SIRT6: variants seen among roughly 807,000 people sequenced by gnomAD.
SIRT6 encodes NAD-dependent protein deacylase sirtuin-6.
A neutral mutation model predicts 33.6 loss-of-function variants in SIRT6; 21 were observed. The observed-to-expected ratio is 0.62, with a 90% CI of 0.44 to 0.90. SIRT6 has a LOEUF of 0.90. Among genes scored for constraint, SIRT6 ranks in the 40% least tolerant of loss-of-function variants. SIRT6 has a pLI of 0.00. For missense variants in SIRT6, 504 were observed against 510.6 expected (o/e 0.99, Z 0.12); for synonymous variants, 221 against 223.9 (o/e 0.99, Z 0.12).
At chr19:4,181,416 T>C (rs1189719793) in intron 1 of SIRT6, among the ~76,000 whole-genome samples, 1 of 152,202 alleles carries the variant, frequency 6.6e-6, no homozygotes, top group Non-Finnish European at 1.5e-5. Flanking sequence ...TTTTAATCTG[T>C]GTTGCTCCTG....
At chr19:4,175,529 G>A in intron 6 of SIRT6, 151 bp downstream of exon 6, 1 of 709,742 alleles carries the variant, frequency 1.4e-6, no homozygotes, top group Non-Finnish European at 2.3e-6. Flanking sequence ...GTGAGTGCGT[G>A]TGTGCAGCCC....
intron 1 of SIRT6, 141 bp downstream of exon 1, chr19:4,182,333 C>T (rs1346623157): frequency 2.3e-6 from 2 of 858,130 alleles, no homozygotes; most frequent in Non-Finnish European, 3.5e-6. Context: ...GGCGTCACTT[C>T]CCGCCCCTTC....
chr19:4,182,416 G>T, intron 1 of SIRT6, 58 bp downstream of exon 1: 1 of 1,543,750 alleles, frequency 6.5e-7, no homozygotes, highest in Admixed American at 1.9e-5. Context: ...CCTGCCATCC[G>T]GCCGCTCCCA....
rs1278761493 is a variant in SIRT6, at chr19:4,174,632, C to T, written c.1053G>A (p.Lys351=). Residue 351 remains lysine (K), a synonymous_variant, in exon 8 of 8, where the codon AAG becomes AAA. Transcript: ENST00000337491. The surrounding 1 kb of genome is among the most constrained non-coding windows in gnomAD (Gnocchi z 4.2). ...PHRPPKRVKA[K]AVPS is the part of the protein sequence containing the mutation. ...AGCACCCTGGTCAGCTGGGGACCGCCTTGGCCTTCACCCTTTTGGGGGGTC... is the reference window on the plus strand; with the variant it reads ...AGCACCCTGGTCAGCTGGGGACCGCTTTGGCCTTCACCCTTTTGGGGGGTC... The T allele has an allele frequency of 6.9e-7, 1 of 1,446,252 alleles. No homozygotes were observed. Among genetic ancestry groups the T allele is most frequent in the African/African-American group, 1.4e-5 (1 of 69,528 alleles). 89.6% of individuals were successfully genotyped at this position (1,446,252 alleles called of 1,614,324 possible).
At chr19:4,175,358 C>G in intron 6 of SIRT6, 1 of 700,614 alleles carries the variant, frequency 1.4e-6, no homozygotes, top group Non-Finnish European at 2.3e-6. Flanking sequence ...CCCTTAGACA[C>G]TTCCGGGGAG....
chr19:4,175,788 T>C (rs7246235), intron 5 of SIRT6, 28 bp from the exon 6 acceptor site: 1 of 1,555,734 alleles, frequency 6.4e-7, no homozygotes, highest in Non-Finnish European at 8.7e-7. Context: ...AGGAGAGTCC[T>C]CAGGGGCCTC....
At chr19:4,179,562 CAG>C (rs138394764) in intron 2 of SIRT6, 1,888 of 489,076 alleles carry the variant, frequency 3.9e-3, no homozygotes, top group South Asian at 6.7e-3. Flanking sequence ...GAGGGAGAGG[CAG>C]AGAGAGAGAG....
intron 3 of SIRT6, among the ~76,000 whole-genome samples, 183 bp downstream of exon 3, chr19:4,178,921 A>G (rs1468460322): frequency 6.6e-6 from 1 of 152,210 alleles, no homozygotes; most frequent in Non-Finnish European, 1.5e-5. Flanking sequence ...CTCGAGGGAA[A>G]TTCTGCCTCT....
At position 4,182,535 on chromosome 19, in the gene SIRT6, G is replaced by C; in HGVS notation, c.5C>G (p.Ser2Trp). ...CGACAGCCCCGCCGCGTAATTCACC[G>C]ACATCCTCGACTGCCCCACGGGAAC... M[S>W]VNYAAGLSPY... Residue 2 changes from serine to tryptophan, a missense_variant, in exon 1 of 8, where the codon TCG becomes TGG. Transcript: ENST00000337491. The C allele has an allele frequency of 1.9e-6, 3 of 1,610,522 alleles. No individual in the cohort carries two copies. The highest frequency in any genetic ancestry group is 2.3e-5 in the East Asian group (1 of 44,340).
At position 4,175,852 on chromosome 19, in the gene SIRT6, G is replaced by T. The variant is rs149090533; in HGVS notation, c.523C>A (p.Arg175=). 6.4e-7 allele frequency: 1 copy of T among 1,559,704 alleles called. No homozygotes were observed. The highest frequency in any genetic ancestry group is 8.7e-7 in the Non-Finnish European group (1 of 1,151,986). The change falls in exon 5 of 8, where the codon CGA becomes AGA. Residue 175 remains arginine (R), a synonymous_variant. Transcript: ENST00000337491. The part of the protein sequence containing the change: ...LCTVAKARGL[R]ACRGELRDTI... ...GTGGGGGTGGCTCACCTGCAGGCTC[G>T]CAGCCCCCTTGCCTTAGCCACGGTG...
intron 2 of SIRT6, among the ~76,000 whole-genome samples, chr19:4,179,913 T>C (rs1967525436): frequency 6.6e-6 from 1 of 151,688 alleles, no homozygotes; most frequent in Non-Finnish European, 1.5e-5. Flanking sequence ...TAGGAGAAAA[T>C]GCAAGTGTTT....
chr19:4,175,387 G>A, intron 6 of SIRT6: 3 of 651,424 alleles, frequency 4.6e-6, no homozygotes, highest in South Asian at 4.0e-5. Flanking sequence ...TGTGGTAAGA[G>A]CTTGGACACC....
intron 3 of SIRT6, 31 bp downstream of exon 3, chr19:4,179,073 C>T (rs1967469105): frequency 6.2e-7 from 1 of 1,607,510 alleles, no homozygotes; most frequent in South Asian, 1.1e-5. Context: ...GGGCCCCAAG[C>T]TCTTTTGTGG....
chr19:4,177,247 C>T lies in SIRT6; in HGVS notation c.378-109G>A, dbSNP rs536019967. 57 of 917,344 alleles carry T rather than the reference C, an allele frequency of 6.2e-5. 1 individual carries two copies. The South Asian group carries it at 7.5e-4, about 12-fold the overall frequency. 56.8% of individuals were successfully genotyped at this position (917,344 alleles called of 1,614,324 possible). A position where few individuals can be genotyped will look rare whatever the true frequency, so the allele number is the denominator to read the frequency against. On this transcript the variant is annotated intron_variant, in intron 3 of 7. Coordinates refer to ENST00000337491, the MANE Select transcript of SIRT6 (RefSeq NM_016539.4). ...CTCCAGGAAGGCTTCCCGGACTCCT[C>T]TCCCACAACATTGATCAACTCCTTC...
At position 4,174,291 on chromosome 19, in the gene SIRT6, GC is replaced by G; in HGVS notation, c.*325del. 4.4e-6 allele frequency: 1 copy of G among 229,498 alleles called. No homozygotes were observed. The highest frequency in any genetic ancestry group is 8.4e-6 in the Non-Finnish European group (1 of 118,730). The allele number at this position is 229,498 out of a possible 1,614,324, so 14.2% of individuals were successfully genotyped here. ...GGGCTGTAGGGGGCCCAGAAGGGAG[GC>G]CCTGGGGACAGAGGGAGTTCACTCC... On this transcript the variant is annotated 3_prime_UTR_variant, in exon 8 of 8. Coordinates refer to ENST00000337491, the MANE Select transcript of SIRT6 (RefSeq NM_016539.4). This position sits in a 1 kb window ranked among gnomAD's most constrained non-coding sequence, Gnocchi z 4.2.
intron 1 of SIRT6, among the ~76,000 whole-genome samples, chr19:4,181,616 GC>G (rs1396823291): frequency 6.6e-6 from 1 of 152,050 alleles, no homozygotes; most frequent in Non-Finnish European, 1.5e-5. Context: ...GTGAAACCCC[GC>G]CTCTACTAAA....
rs1967759836 is a variant in SIRT6, at chr19:4,182,436, C to T, written c.66+38G>A. On this transcript the variant is annotated intron_variant, in intron 1 of 7. Coordinates refer to ENST00000337491, the MANE Select transcript of SIRT6 (RefSeq NM_016539.4). ...CATCCGGCCGCTCCCAGCCCGCGGC[C>T]CTGGGGCGCGATGCTCGGGACCCTC... The T allele has an allele frequency of 1.9e-6, 3 of 1,594,240 alleles. No homozygotes were observed. The South Asian group carries it at 3.4e-5, about 18-fold the overall frequency.
chr19:4,179,119 C>A lies in SIRT6; in HGVS notation c.362G>T (p.Arg121Leu), dbSNP rs771714154. The A allele has an allele frequency of 1.2e-6, 2 of 1,611,940 alleles. No individual in the cohort carries two copies. The highest frequency in any genetic ancestry group is 1.7e-6 in the Non-Finnish European group (2 of 1,179,764). ...VSQNVDGLHV[R>L]SGFPRDKLAE... ...AGGGTGTTACCTGGGGAAGCCTGAG[C>A]GCACATGGAGCCCGTCCACGTTCTG... Residue 121 changes from arginine to leucine, a missense_variant, in exon 3 of 8, where the codon CGC becomes CTC. By Grantham distance (102) the Arg-to-Leu change is moderately radical. Coordinates refer to ENST00000337491, the MANE Select transcript of SIRT6 (RefSeq NM_016539.4).
chr19:4,176,159 C>T (rs767848185), intron 4 of SIRT6, among the ~76,000 whole-genome samples: 2 of 152,142 alleles, frequency 1.3e-5, no homozygotes, highest in Non-Finnish European at 2.9e-5. Flanking sequence ...CCCAGACAGA[C>T]GAAGGGGCTC....
Sources: gnomAD v4.1 joint callset for allele counts (sites outside exome capture counted in the v4.1 genomes callset) on GRCh38, gnomAD v4.1.1 for gene constraint, Gnocchi (gnomAD v3.1) non-coding constraint, MANE v1.5 for transcripts, NCBI Gene and HGNC (gene_info 2026-07-23, HGNC 2026-07-21) for gene names.